Variants in ZNF512 observed in about 807,000 individuals in gnomAD.
ZNF512 encodes the protein zinc finger protein 512.
A neutral mutation model predicts 77.5 loss-of-function variants in ZNF512; 25 were observed. That is an observed-to-expected ratio of 0.32 (90% CI 0.23 to 0.45). ZNF512 has a LOEUF of 0.45. Among genes scored for constraint, ZNF512 ranks in the 20% least tolerant of loss-of-function variants. The pLI is 1.00. For synonymous variants in ZNF512, 246 were observed against 239.9 expected, an observed-to-expected ratio of 1.03 and a Z score of -0.24; for missense variants, 483 against 692.6, an observed-to-expected ratio of 0.70 and a Z score of 3.40.
chr2:27,611,766 C>T (rs549375979), intron 10 of ZNF512, among the ~76,000 whole-genome samples: 12 of 149,876 alleles, frequency 8.0e-5, no homozygotes, highest in Non-Finnish European at 1.6e-4. Context: ...GGCGTGGTCT[C>T]GGCCCATTGC....
intron 2 of ZNF512, among the ~76,000 whole-genome samples, chr2:27,592,969 G>A (rs1671660594): frequency 6.6e-6 from 1 of 151,946 alleles, no homozygotes; most frequent in Non-Finnish European, 1.5e-5. Flanking sequence ...ACAGGCGTGA[G>A]CCACCACGCC....
intron 2 of ZNF512, among the ~76,000 whole-genome samples, chr2:27,588,071 T>A (rs766306041): frequency 2.0e-5 from 3 of 152,126 alleles, no homozygotes; most frequent in Non-Finnish European, 4.4e-5. Context: ...GTTATCTTAT[T>A]GAATTGTGGT....
intron 7 of ZNF512, 103 bp from the exon 8 acceptor site, chr2:27,602,360 G>C (rs1481358970): frequency 9.6e-6 from 11 of 1,144,944 alleles, no homozygotes; most frequent in Non-Finnish European, 1.2e-5. Flanking sequence ...ATTGGCACCA[G>C]CTTAGCTGCC....
chr2:27,583,738 C>G lies in ZNF512; in HGVS notation c.89+22C>G, dbSNP rs769027031. On this transcript the variant is annotated intron_variant, in intron 2 of 13. Coordinates refer to ENST00000355467, the MANE Select transcript of ZNF512 (RefSeq NM_032434.4). ...AGAAGTAAGTGAGGTTTTCTAAGGTCCTTTTATGATTGTGTCACCAGCGCT... is the reference window on the plus strand; with the variant it reads ...AGAAGTAAGTGAGGTTTTCTAAGGTGCTTTTATGATTGTGTCACCAGCGCT... The G allele has an allele frequency of 4.8e-5, 77 of 1,612,630 alleles. No homozygotes were observed. Among genetic ancestry groups the G allele is most frequent in the Non-Finnish European group, 6.2e-5 (73 of 1,179,628 alleles).
rs1485007296 is a variant in ZNF512, at chr2:27,610,583, T to TATATATATACA, written c.1131+2544_1131+2545insATATATATACA. ...ATATATATATATTTTTTTTTTTTTT[T>TATATATATACA]TTTTTTTTTTTTTTTTTGAGACAGC... On this transcript the variant is annotated intron_variant, in intron 10 of 13. Coordinates refer to ENST00000355467, the MANE Select transcript of ZNF512 (RefSeq NM_032434.4). Among the ~76,000 whole-genome samples the TATATATATACA allele has an allele frequency of 1.5e-4, 10 of 67,212 alleles. 1 individual carries two copies. The highest frequency in any genetic ancestry group is 4.1e-4 in the African/African-American group (6 of 14,588). The allele number at this position is 67,212 out of a possible 152,430, so 44.1% of individuals were successfully genotyped here. A position where few individuals can be genotyped will look rare whatever the true frequency, so the allele number is the denominator to read the frequency against.
chr2:27,610,511 T>TAA (rs1672576657), intron 10 of ZNF512, among the ~76,000 whole-genome samples: 1 of 135,634 alleles, frequency 7.4e-6, no homozygotes, highest in African/African-American at 2.8e-5. Flanking sequence ...TGTATATATA[T>TAA]GTGTGTATAT....
chr2:27,619,644 T>TA lies in ZNF512; in HGVS notation c.1396-1507dup, dbSNP rs1162353437. On this transcript the variant is annotated intron_variant, in intron 13 of 13. Transcript: ENST00000355467. ...TTTTCTTACACTACTTTTTTTTTTT[T>TA]AACAGAAAATTTCAAACACATGAAA... Among the ~76,000 whole-genome samples the TA allele has an allele frequency of 3.9e-5, 6 of 152,118 alleles. No homozygotes were observed. In the East Asian group the frequency reaches 5.8e-4, roughly 15 times the overall value.
At chr2:27,608,965 C>T (rs1672485690) in intron 10 of ZNF512, among the ~76,000 whole-genome samples, 1 of 151,644 alleles carries the variant, frequency 6.6e-6, no homozygotes, top group African/African-American at 2.4e-5. Flanking sequence ...AAAAATTAGC[C>T]TGGTGTGGTG....
At chr2:27,612,117 A>G (rs890290099) in intron 10 of ZNF512, among the ~76,000 whole-genome samples, 5 of 152,160 alleles carry the variant, frequency 3.3e-5, no homozygotes, top group African/African-American at 9.7e-5. Flanking sequence ...TAAAGACTCA[A>G]TGATGTTTAT....
chr2:27,598,032 C>T (rs762961555), intron 2 of ZNF512, 35 bp from the exon 3 acceptor site: 2 of 1,475,052 alleles, frequency 1.4e-6, no homozygotes, highest in South Asian at 3.1e-5. Context: ...TGCTCCAGAC[C>T]TTCCTTTGTG....
chr2:27,617,704 AT>A (rs1572937711), intron 13 of ZNF512, 133 bp downstream of exon 13: 1 of 584,698 alleles, frequency 1.7e-6, no homozygotes, highest in East Asian at 2.8e-5. Flanking sequence ...GAGTTAAAAT[AT>A]TCTCTAAACT....
chr2:27,621,425 GC>G lies in ZNF512; in HGVS notation c.1673del (p.Pro558GlnfsTer15). 2 of 1,613,158 alleles carry G rather than the reference GC, an allele frequency of 1.2e-6. No homozygotes were observed. The highest frequency in any genetic ancestry group is 1.7e-4 in the Middle Eastern group (1 of 6,044). On this transcript the variant is annotated frameshift_variant, in exon 14 of 14. Coordinates refer to ENST00000355467, the MANE Select transcript of ZNF512 (RefSeq NM_032434.4). LOFTEE classifies it high-confidence loss of function. ...PVPAQFQKVKPPKTNHKRGRK is the reference protein window; with the variant it reads ...PVPAQFQKVKXPKTNHKRGRK Reference sequence around the variant, plus strand: ...TGCCAGCACAGTTCCAGAAAGTAAAGCCCCCAAAGACTAATCATAAACGAGG... The same window carrying G: ...TGCCAGCACAGTTCCAGAAAGTAAAGCCCCAAAGACTAATCATAAACGAGG...
chr2:27,615,364 C>A (rs1175708710), intron 11 of ZNF512, 95 bp downstream of exon 11: 11 of 742,430 alleles, frequency 1.5e-5, no homozygotes, highest in Non-Finnish European at 2.3e-5. Context: ...ACCTGAACCT[C>A]AGTGGCTTAA....
rs757305307 is a variant in ZNF512 at position 27,583,082 on chromosome 2, G to A, written c.-31G>A. ...TGGCGTTGGTCTGGCCGGAGCCCTTGGGTGAAATTGTTAGGCGTGGAGAGG... is the reference window on the plus strand; with the variant it reads ...TGGCGTTGGTCTGGCCGGAGCCCTTAGGTGAAATTGTTAGGCGTGGAGAGG... On this transcript the variant is annotated 5_prime_UTR_variant, in exon 1 of 14. Transcript: ENST00000355467. 1.9e-5 allele frequency: 30 copies of A among 1,613,996 alleles called. No homozygotes were observed. The highest frequency in any genetic ancestry group is 2.3e-5 in the Non-Finnish European group (27 of 1,179,992).
chr2:27,612,708 C>G (rs774010768), intron 10 of ZNF512, among the ~76,000 whole-genome samples: 5 of 152,162 alleles, frequency 3.3e-5, no homozygotes, highest in Non-Finnish European at 7.4e-5. Context: ...GAATTACCAA[C>G]TTATTCCCTT....
intron 13 of ZNF512, among the ~76,000 whole-genome samples, chr2:27,617,905 CAAAAAAAA>C (rs61523057): frequency 8.8e-6 from 1 of 113,712 alleles, no homozygotes; most frequent in Admixed American, 1.1e-4. Flanking sequence ...GATCCTGACT[CAAAAAAAA>C]AAAAAAAATC....
At chr2:27,588,048 T>C (rs937798353) in intron 2 of ZNF512, among the ~76,000 whole-genome samples, 6 of 152,030 alleles carry the variant, frequency 3.9e-5, no homozygotes, top group African/African-American at 1.4e-4. Flanking sequence ...TTTTTGTCCA[T>C]TAAAAAAAGT....
chr2:27,600,137 C>G, intron 5 of ZNF512, 84 bp downstream of exon 5: 1 of 1,446,218 alleles, frequency 6.9e-7, no homozygotes, highest in Non-Finnish European at 9.6e-7. Flanking sequence ...GAATGAGGTA[C>G]TAAAGCATTT....
At chr2:27,588,057 G>A (rs563403992) in intron 2 of ZNF512, among the ~76,000 whole-genome samples, 2 of 152,144 alleles carry the variant, frequency 1.3e-5, no homozygotes, top group South Asian at 4.2e-4. Context: ...ATTAAAAAAA[G>A]TGGGTTATCT....
Sources: gnomAD v4.1 joint callset for allele counts (sites outside exome capture counted in the v4.1 genomes callset) on GRCh38, gnomAD v4.1.1 for gene constraint, MANE v1.5 for transcripts, NCBI Gene and HGNC (gene_info 2026-07-23, HGNC 2026-07-21) for gene names.